The following AMOTL1 variants were observed in gnomAD, a reference collection of about 807,000 sequenced individuals.
AMOTL1 encodes angiomotin like 1.
Under a neutral mutation model 102.9 loss-of-function variants are expected in AMOTL1, and 45 were observed. The ratio of observed to expected loss-of-function variants is 0.44; its 90% CI spans 0.34 to 0.56. The LOEUF is 0.56. Among genes scored for constraint, AMOTL1 ranks in the 20% least tolerant of loss-of-function variants. The pLI is 0.01. For missense variants in AMOTL1, 1,114 were observed against 1,225.6 expected, an observed-to-expected ratio of 0.91 and a Z score of 1.36; for synonymous variants, 481 against 484.7, an observed-to-expected ratio of 0.99 and a Z score of 0.10.
chr11:94,768,942 G>T (rs893854438), intron 1 of AMOTL1, among the ~76,000 whole-genome samples: 1 of 152,036 alleles, frequency 6.6e-6, no homozygotes. Context: ...GGACGGAAGG[G>T]GGTGTCCGGT....
chr11:94,811,317 A>AC (rs1356907895), intron 3 of AMOTL1, among the ~76,000 whole-genome samples: 6 of 151,878 alleles, frequency 4.0e-5, no homozygotes, highest in African/African-American at 1.5e-4. Context: ...ACATGGTGAA[A>AC]CCCCGTCTCT....
At chr11:94,741,920 G>T (rs1178553989) in intron 3 of AMOTL1, among the ~76,000 whole-genome samples, 1 of 152,172 alleles carries the variant, frequency 6.6e-6, no homozygotes, top group Non-Finnish European at 1.5e-5. Context: ...TTTATCCTCA[G>T]TAACACACTC....
intron 3 of AMOTL1, among the ~76,000 whole-genome samples, chr11:94,759,166 A>T (rs1950762214): frequency 6.6e-6 from 1 of 152,174 alleles, no homozygotes; most frequent in South Asian, 2.1e-4. Flanking sequence ...TTCACCTAGC[A>T]TTCATAATTT....
At chr11:94,832,505 A>C (rs1952093758) in intron 6 of AMOTL1, among the ~76,000 whole-genome samples, 1 of 152,210 alleles carries the variant, frequency 6.6e-6, no homozygotes, top group Admixed American at 6.5e-5. Context: ...CCAGCTATTA[A>C]TACTAGCTAT....
rs1950888626 is a variant in AMOTL1, at chr11:94,768,489, A to G, written c.-23A>G. On this transcript the variant is annotated 5_prime_UTR_variant, in exon 1 of 13. Transcript: ENST00000433060. Reference sequence around the variant, plus strand: ...GGCAGCCGTCTTCCCCAGCCGAGGGACTGAACTAGCCATGATCGCCTCATG... The same window carrying G: ...GGCAGCCGTCTTCCCCAGCCGAGGGGCTGAACTAGCCATGATCGCCTCATG... 1 of 1,588,700 alleles carries G rather than the reference A, an allele frequency of 6.3e-7. No homozygotes were observed. The highest frequency in any genetic ancestry group is 8.6e-7 in the Non-Finnish European group (1 of 1,168,642).
At chr11:94,707,246 CTCTCTGTG>C (rs1261673979) in intron 1 of AMOTL1, among the ~76,000 whole-genome samples, 1 of 59,918 alleles carries the variant, frequency 1.7e-5, no homozygotes, top group African/African-American at 4.3e-5. Flanking sequence ...CTCTCTCTCT[CTCTCTGTG>C]TGTGTGTGTG....
chr11:94,757,218 A>G (rs1283228872), intron 3 of AMOTL1, among the ~76,000 whole-genome samples: 1 of 152,204 alleles, frequency 6.6e-6, no homozygotes, highest in Non-Finnish European at 1.5e-5. Context: ...AAAATGGCTA[A>G]CAGGTTAATA....
At position 94,743,698 on chromosome 11, in the gene AMOTL1, G is replaced by A. The variant is rs937433085; in HGVS notation, c.136+2710G>A. On this transcript the variant is annotated intron_variant, in intron 3 of 4. Coordinates refer to the AMOTL1 transcript ENST00000299004. ...TTTTGTGACGGTGTCTCGCTCTGTC[G>A]CCCAGATGGGAGTGCAATGGCATGA... Among the ~76,000 whole-genome samples the A allele has an allele frequency of 8.5e-5, 10 of 117,222 alleles. No homozygotes were observed. In the East Asian group the frequency reaches 1.0e-3, roughly 12 times the overall value. The allele number at this position is 117,222 out of a possible 152,430, so 76.9% of individuals were successfully genotyped here. A position where few individuals can be genotyped will look rare whatever the true frequency, so the allele number is the denominator to read the frequency against.
At chr11:94,718,786 T>C (rs1044597952) in intron 1 of AMOTL1, among the ~76,000 whole-genome samples, 2 of 151,986 alleles carry the variant, frequency 1.3e-5, no homozygotes, top group East Asian at 1.9e-4. Flanking sequence ...TTTTTCAATA[T>C]GGATATTAAT....
intron 1 of AMOTL1, among the ~76,000 whole-genome samples, chr11:94,769,396 A>G (rs1950910390): frequency 6.6e-6 from 1 of 152,034 alleles, no homozygotes; most frequent in Non-Finnish European, 1.5e-5. Context: ...ACGCGGCGGC[A>G]GAGCAGACGA....
intron 6 of AMOTL1, among the ~76,000 whole-genome samples, chr11:94,847,369 G>A (rs1952437652): frequency 6.6e-6 from 1 of 152,160 alleles, no homozygotes; most frequent in Admixed American, 6.5e-5. Context: ...GCTAACAGGA[G>A]CTATAATTTC....
rs1204936041 is a variant in AMOTL1 at position 94,873,480 on chromosome 11, A to G, written c.*2685A>G. On this transcript the variant is annotated 3_prime_UTR_variant, in exon 13 of 13. Coordinates refer to ENST00000433060, the MANE Select transcript of AMOTL1 (RefSeq NM_130847.3). ...AAACAGATTTTCAGAAAAATAATGC[A>G]ACTATATTTTCTAGTGTCAACTGTA... The G allele has an allele frequency of 6.6e-6, 1 of 152,226 alleles. No individual in the cohort carries two copies. The highest frequency in any genetic ancestry group is 2.4e-5 in the African/African-American group (1 of 41,462). 9.4% of individuals were successfully genotyped at this position (152,226 alleles called of 1,614,324 possible).
In AMOTL1 at chr11:94,869,233, T is replaced by C. The variant is rs1952944010; in HGVS notation, c.2524T>C (p.Ser842Pro). The change falls in exon 12 of 13, where the codon TCT becomes CCT. Residue 842 changes from serine (S) to proline (P), a missense_variant. By Grantham distance (74) the Ser-to-Pro change is moderately conservative (BLOSUM62 -1). Coordinates refer to ENST00000433060, the MANE Select transcript of AMOTL1 (RefSeq NM_130847.3). ...GGGGAAGGAGCACCATGAGCATGCC[T>C]CTGCCCCACTGCTGCCACCCCCACC... ...LLGKEHHEHA[S>P]APLLPPPPTS... The C allele has an allele frequency of 6.2e-7, 1 of 1,610,450 alleles. No individual in the cohort carries two copies. The highest frequency in any genetic ancestry group is 1.3e-5 in the African/African-American group (1 of 74,650).
intron 1 of AMOTL1, among the ~76,000 whole-genome samples, chr11:94,780,126 G>C (rs1253768292): frequency 2.0e-5 from 3 of 152,194 alleles, no homozygotes; most frequent in Non-Finnish European, 4.4e-5. Flanking sequence ...GTGCTAGGGA[G>C]AGGAAAATTC....
chr11:94,716,868 A>C (rs75440296), intron 1 of AMOTL1, among the ~76,000 whole-genome samples: 2,630 of 152,204 alleles, frequency 0.017, 77 homozygotes, highest in African/African-American at 0.059. Flanking sequence ...GGAATGGTTC[A>C]GTCTGCTGTG....
At chr11:94,844,184 T>C (rs1372428796) in intron 6 of AMOTL1, among the ~76,000 whole-genome samples, 1 of 152,188 alleles carries the variant, frequency 6.6e-6, no homozygotes, top group African/African-American at 2.4e-5. Flanking sequence ...AGAACCTTCC[T>C]TGAGAAGTGC....
chr11:94,756,993 ATT>A (rs57318412), intron 3 of AMOTL1, among the ~76,000 whole-genome samples: 20,608 of 143,656 alleles, frequency 0.14, 3,114 homozygotes, highest in African/African-American at 0.37. Context: ...AACCTAGCCC[ATT>A]TTTTTTTTTC....
At chr11:94,831,566 C>G (rs775850798) in intron 6 of AMOTL1, 25 bp downstream of exon 6, 1 of 1,592,432 alleles carries the variant, frequency 6.3e-7, no homozygotes, top group East Asian at 2.2e-5. Context: ...ATTTATTATC[C>G]CAAAGTTTGT....
rs137936738 is a variant in AMOTL1 at position 94,854,204 on chromosome 11, C to T, written c.1944+122C>T. ...CAGGATTCAGAGGGAAACAAGAACT[C>T]CCTGTCCTCAGTGAACCCATACAAC... On this transcript the variant is annotated intron_variant, in intron 8 of 12. Transcript: ENST00000433060. 5.8e-4 allele frequency: 749 copies of T among 1,287,582 alleles called. 6 individuals carry two copies. The African/African-American group carries it at 0.011, about 18-fold the overall frequency. 79.8% of individuals were successfully genotyped at this position (1,287,582 alleles called of 1,614,324 possible). A position where few individuals can be genotyped will look rare whatever the true frequency, so the allele number is the denominator to read the frequency against.
Sources: allele counts gnomAD v4.1 joint callset (sites outside exome capture counted in the v4.1 genomes callset), GRCh38; gene constraint gnomAD v4.1.1; transcripts MANE v1.5; gene names NCBI Gene and HGNC (gene_info 2026-07-23, HGNC 2026-07-21).